The following PTPRE variants were observed in gnomAD, a reference collection of about 807,000 sequenced individuals.
The protein encoded by PTPRE is receptor-type tyrosine-protein phosphatase epsilon.
A neutral mutation model predicts 102.0 loss-of-function variants in PTPRE; 51 were observed. That is an observed-to-expected ratio of 0.50 (90% confidence interval 0.40 to 0.63). The LOEUF is 0.63. Among genes scored for constraint, PTPRE ranks in the 30% least tolerant of loss-of-function variants. The pLI is 0.00. For synonymous variants in PTPRE, 345 were observed against 348.2 expected (o/e 0.99, Z 0.10); for missense variants, 752 against 915.1 (o/e 0.82, Z 2.30).
At chr10:127,933,879 C>T (rs544175274) in intron 1 of PTPRE, among the ~76,000 whole-genome samples, 1 of 152,236 alleles carries the variant, frequency 6.6e-6, no homozygotes, top group African/African-American at 2.4e-5. Flanking sequence ...TTCCCTAAAC[C>T]TCGATTTCCC....
intron 1 of PTPRE, among the ~76,000 whole-genome samples, chr10:127,969,966 CT>C (rs1206441699): frequency 1.3e-5 from 2 of 152,226 alleles, no homozygotes; most frequent in Non-Finnish European, 2.9e-5. Flanking sequence ...GCAAAGCTGT[CT>C]CCTCCTCTCT....
chr10:128,016,980 A>C (rs1845487284), intron 2 of PTPRE, among the ~76,000 whole-genome samples: 1 of 152,168 alleles, frequency 6.6e-6, no homozygotes, highest in Non-Finnish European at 1.5e-5. Context: ...AGAGTTTAGG[A>C]AATGTGGGTG....
intron 18 of PTPRE, among the ~76,000 whole-genome samples, chr10:128,077,025 C>G (rs1240011683): frequency 2.0e-5 from 3 of 152,186 alleles, no homozygotes; most frequent in East Asian, 3.9e-4. Flanking sequence ...TGGGGCCCTC[C>G]TCCAGGTGCC....
intron 6 of PTPRE, among the ~76,000 whole-genome samples, chr10:128,052,043 T>A (rs949529316): frequency 6.6e-6 from 1 of 152,116 alleles, no homozygotes; most frequent in African/African-American, 2.4e-5. Context: ...TTTACTTTTT[T>A]TGTAGAGATG....
intron 7 of PTPRE, among the ~76,000 whole-genome samples, chr10:128,056,991 G>A (rs1273617348): frequency 6.6e-6 from 1 of 152,114 alleles, no homozygotes; most frequent in Non-Finnish European, 1.5e-5. Flanking sequence ...CGAGGCAGGT[G>A]GATCACCTGA....
chr10:128,065,858 T>C (rs1033938500), intron 10 of PTPRE, among the ~76,000 whole-genome samples: 1 of 152,198 alleles, frequency 6.6e-6, no homozygotes, highest in Non-Finnish European at 1.5e-5. Context: ...TCAGAAAGCC[T>C]TGGGGCATCC....
chr10:128,055,641 C>T (rs540522332), intron 6 of PTPRE, among the ~76,000 whole-genome samples: 7 of 152,190 alleles, frequency 4.6e-5, no homozygotes, highest in African/African-American at 1.7e-4. Flanking sequence ...GGCTGTTTCC[C>T]GCCCCTTGCC....
chr10:127,948,243 G>T (rs1848765264), intron 1 of PTPRE, among the ~76,000 whole-genome samples: 1 of 152,048 alleles, frequency 6.6e-6, no homozygotes, highest in Non-Finnish European at 1.5e-5. Context: ...GTTTAAGAGA[G>T]ACTTTATTTT....
chr10:128,069,961 C>A, intron 13 of PTPRE, 134 bp downstream of exon 13: 1 of 1,379,786 alleles, frequency 7.2e-7, no homozygotes, highest in South Asian at 1.3e-5. Flanking sequence ...CTTCGCTCCC[C>A]ATAGCCTTCC....
At chr10:127,946,864 G>A (rs942098275) in intron 1 of PTPRE, among the ~76,000 whole-genome samples, 1 of 152,020 alleles carries the variant, frequency 6.6e-6, no homozygotes, top group Non-Finnish European at 1.5e-5. Context: ...TGAGACCCTG[G>A]CTCTGCTAAA....
At chr10:127,980,908 G>GT (rs1345517421) in intron 1 of PTPRE, among the ~76,000 whole-genome samples, 1 of 152,132 alleles carries the variant, frequency 6.6e-6, no homozygotes, top group African/African-American at 2.4e-5. Flanking sequence ...TTTAAAAATA[G>GT]TAACAATCAA....
intron 1 of PTPRE, among the ~76,000 whole-genome samples, chr10:127,962,323 C>G (rs746499932): frequency 6.6e-6 from 1 of 152,206 alleles, no homozygotes; most frequent in Non-Finnish European, 1.5e-5. Flanking sequence ...TGCCAGGCCA[C>G]GGGGCTCCTT....
At chr10:128,049,258 C>T (rs543127286) in intron 5 of PTPRE, among the ~76,000 whole-genome samples, 6 of 151,410 alleles carry the variant, frequency 4.0e-5, no homozygotes, top group African/African-American at 9.7e-5. Flanking sequence ...TGAGTGGCCT[C>T]GGGAGGGGGA....
At chr10:127,989,666 A>C (rs1164364809) in intron 2 of PTPRE, among the ~76,000 whole-genome samples, 1 of 152,250 alleles carries the variant, frequency 6.6e-6, no homozygotes. Flanking sequence ...CAAAAGAAAA[A>C]CTTTTCCGTT....
Position 128,070,228 on chromosome 10 carries a change from G to A in PTPRE, c.1144-73G>A, listed in dbSNP as rs1378131455. On this transcript the variant is annotated intron_variant, in intron 13 of 20. Coordinates refer to ENST00000254667, the MANE Select transcript of PTPRE (RefSeq NM_006504.6). This position sits in a 1 kb window ranked among gnomAD's most constrained non-coding sequence, Gnocchi z 4.8. ...AAAAAGAAGAAAGCCGCCCTCTTTG[G>A]TCTGCCAAGCTCCACGTGGGCCAAG... 8.0e-6 allele frequency: 12 copies of A among 1,497,024 alleles called. No homozygotes were observed. The highest frequency in any genetic ancestry group is 1.1e-5 in the Non-Finnish European group (12 of 1,115,940). The allele number at this position is 1,497,024 out of a possible 1,614,324, so 92.7% of individuals were successfully genotyped here.
chr10:127,987,487 C>G, intron 2 of PTPRE: 1 of 579,296 alleles, frequency 1.7e-6, no homozygotes, highest in Admixed American at 3.6e-5. Flanking sequence ...AAAAATCAGG[C>G]TAAAGAATAT....
chr10:127,999,954 G>C (rs1287035581), intron 2 of PTPRE: 1 of 985,264 alleles, frequency 1.0e-6, no homozygotes, highest in East Asian at 1.1e-4. Flanking sequence ...CTGAGAACGC[G>C]GTGCTCTGTA....
chr10:128,001,726 G>A (rs1853918663), intron 2 of PTPRE, among the ~76,000 whole-genome samples: 2 of 152,188 alleles, frequency 1.3e-5, no homozygotes, highest in Admixed American at 1.3e-4. Context: ...ATGATGACAT[G>A]TTCTGGGAGA....
chr10:127,971,998 A>G (rs1850780253), intron 1 of PTPRE, among the ~76,000 whole-genome samples: 1 of 152,168 alleles, frequency 6.6e-6, no homozygotes, highest in Non-Finnish European at 1.5e-5. Flanking sequence ...CTTTTCTTCA[A>G]TTTGCTCGTG....
Sources: allele counts gnomAD v4.1 joint callset (sites outside exome capture counted in the v4.1 genomes callset), GRCh38; gene constraint gnomAD v4.1.1; non-coding constraint Gnocchi (gnomAD v3.1); transcripts MANE v1.5; gene names NCBI Gene and HGNC (gene_info 2026-07-23, HGNC 2026-07-21).